The following CADM2 variants were observed in gnomAD, a reference collection of about 807,000 sequenced individuals.
CADM2 encodes immunoglobulin superfamily member 4D.
In CADM2, 12 loss-of-function variants were observed where a neutral mutation model predicts 49.8. The observed-to-expected ratio is 0.24, with a 90% confidence interval of 0.15 to 0.39. The LOEUF is 0.39. CADM2 is among the 10% of genes least tolerant of loss of function. The pLI is 1.00. For missense variants in CADM2, 378 were observed against 492.3 expected (o/e 0.77, Z 2.20); for synonymous variants, 214 against 175.4 (o/e 1.22, Z -1.74).
At chr3:85,793,901 A>G (rs956746677) in intron 2 of CADM2, among the ~76,000 whole-genome samples, 1 of 152,192 alleles carries the variant, frequency 6.6e-6, no homozygotes, top group African/African-American at 2.4e-5. Flanking sequence ...AGAAAAGGTA[A>G]AATACTTTCA....
At chr3:85,513,110 A>G (rs2106849170) in intron 1 of CADM2, among the ~76,000 whole-genome samples, 1 of 152,164 alleles carries the variant, frequency 6.6e-6, no homozygotes, top group South Asian at 2.1e-4. Context: ...GCTTATAATT[A>G]TTTTAAATTT....
intron 1 of CADM2, among the ~76,000 whole-genome samples, chr3:85,331,444 A>G (rs818224): frequency 0.046 from 7,053 of 151,874 alleles, 458 homozygotes; most frequent in African/African-American, 0.14. Flanking sequence ...GAAAGCATTT[A>G]TAGTGTGTTG....
chr3:85,114,214 A>T (rs1044877557), intron 1 of CADM2, among the ~76,000 whole-genome samples: 4 of 151,782 alleles, frequency 2.6e-5, no homozygotes, highest in African/African-American at 9.7e-5. Context: ...TGGATGGGGG[A>T]CTGGGGAGAG....
chr3:85,433,428 G>C (rs1358665845), intron 1 of CADM2, among the ~76,000 whole-genome samples: 1 of 151,928 alleles, frequency 6.6e-6, no homozygotes, highest in African/African-American at 2.4e-5. Flanking sequence ...CCTTGTAGTT[G>C]GAGAATGAAC....
At chr3:85,640,649 C>T (rs146670996) in intron 1 of CADM2, among the ~76,000 whole-genome samples, 4 of 152,102 alleles carry the variant, frequency 2.6e-5, no homozygotes, top group South Asian at 2.1e-4. Context: ...TGTGAATGGA[C>T]CCAGACAACA....
intron 1 of CADM2, among the ~76,000 whole-genome samples, chr3:85,139,254 A>C (rs58554319): frequency 0.1 from 15,888 of 152,206 alleles, 1,788 homozygotes; most frequent in African/African-American, 0.28. Context: ...TACACACAGA[A>C]ACACAAACAC....
chr3:85,784,556 A>G (rs2070863424), intron 2 of CADM2, among the ~76,000 whole-genome samples: 1 of 150,702 alleles, frequency 6.6e-6, no homozygotes, highest in African/African-American at 2.5e-5. Context: ...CTATCTATCT[A>G]TCTATCTATC....
chr3:85,146,356 A>G (rs1254691953), intron 1 of CADM2, among the ~76,000 whole-genome samples: 1 of 152,104 alleles, frequency 6.6e-6, no homozygotes, highest in Non-Finnish European at 1.5e-5. Context: ...TTAAAGCATC[A>G]TCATTCCTTC....
rs1280230279 is a variant in CADM2, at chr3:86,058,637, T to C, written c.971-6968T>C. ...CTTTGAAAACATATTTATTTTAATA[T>C]ATAATAACAATTGAATAATAATCAC... On this transcript the variant is annotated intron_variant, in intron 8 of 9. Coordinates refer to ENST00000383699, the MANE Select transcript of CADM2 (RefSeq NM_001167675.2). Among the ~76,000 whole-genome samples the C allele has an allele frequency of 3.3e-5, 5 of 152,104 alleles. No homozygotes were observed. In the South Asian group the frequency reaches 1.0e-3, roughly 31 times the overall value.
intron 1 of CADM2, among the ~76,000 whole-genome samples, chr3:85,225,343 A>AT (rs2042134025): frequency 6.6e-6 from 1 of 152,134 alleles, no homozygotes; most frequent in Non-Finnish European, 1.5e-5. Flanking sequence ...ATTCCTAGGT[A>AT]TTTAATTCTC....
At chr3:85,422,438 C>T (rs955600627) in intron 1 of CADM2, among the ~76,000 whole-genome samples, 81 of 152,090 alleles carry the variant, frequency 5.3e-4, no homozygotes, top group African/African-American at 1.8e-3. Context: ...CCACCACGCC[C>T]GGCTAATTTT....
chr3:85,970,111 A>AT (rs1407349655), intron 8 of CADM2, among the ~76,000 whole-genome samples: 1 of 151,054 alleles, frequency 6.6e-6, no homozygotes, highest in East Asian at 2.0e-4. Context: ...GAAAAAAAAA[A>AT]AGACGTGTTT....
chr3:84,977,938 C>T (rs567159856), intron 1 of CADM2, among the ~76,000 whole-genome samples: 10 of 152,060 alleles, frequency 6.6e-5, no homozygotes, highest in African/African-American at 2.4e-4. Context: ...CTGGGGGAAC[C>T]GTATTCCTTA....
intron 1 of CADM2, among the ~76,000 whole-genome samples, chr3:85,109,446 A>T (rs950025207): frequency 4.6e-5 from 7 of 151,928 alleles, no homozygotes; most frequent in African/African-American, 1.7e-4. Flanking sequence ...AAAGATAGAA[A>T]AGTAGGGGGG....
chr3:85,384,670 A>AT (rs1559812639), intron 1 of CADM2, among the ~76,000 whole-genome samples: 10 of 144,354 alleles, frequency 6.9e-5, no homozygotes, highest in African/African-American at 2.2e-4. Context: ...TGTCAAAAAA[A>AT]ATGTGTGTGT....
At chr3:85,041,704 C>T (rs2035449817) in intron 1 of CADM2, among the ~76,000 whole-genome samples, 1 of 152,126 alleles carries the variant, frequency 6.6e-6, no homozygotes, top group African/African-American at 2.4e-5. Context: ...CAATTCAGAG[C>T]CTTGTGTGGT....
At chr3:86,061,615 C>T (rs1738659211) in intron 8 of CADM2, among the ~76,000 whole-genome samples, 1 of 151,970 alleles carries the variant, frequency 6.6e-6, no homozygotes, top group South Asian at 2.1e-4. Flanking sequence ...TATTCTATGA[C>T]CCACAAGCCA....
At chr3:85,233,692 GATTT>G (rs1207698863) in intron 1 of CADM2, among the ~76,000 whole-genome samples, 1 of 152,036 alleles carries the variant, frequency 6.6e-6, no homozygotes, top group Non-Finnish European at 1.5e-5. Context: ...GCAGCAGAAC[GATTT>G]ATTTTTCTTT....
intron 8 of CADM2, among the ~76,000 whole-genome samples, chr3:86,041,469 T>C (rs1735925078): frequency 6.6e-6 from 1 of 151,808 alleles, no homozygotes; most frequent in Non-Finnish European, 1.5e-5. Context: ...CCGACAAAGA[T>C]CAAAAGAGAC....
Sources: allele counts gnomAD v4.1 joint callset (sites outside exome capture counted in the v4.1 genomes callset), GRCh38; gene constraint gnomAD v4.1.1; transcripts MANE v1.5; gene names NCBI Gene and HGNC (gene_info 2026-07-23, HGNC 2026-07-21).